The following HCN1 variants were observed in gnomAD, a reference collection of about 807,000 sequenced individuals.
HCN1 encodes the protein hyperpolarization activated cyclic nucleotide gated potassium channel 1.
In HCN1, 13 loss-of-function variants were observed where a neutral mutation model predicts 78.9. The ratio of observed to expected loss-of-function variants is 0.16; its 90% CI spans 0.11 to 0.26. The LOEUF (loss-of-function observed/expected upper bound fraction) is 0.26, where lower values mean the gene tolerates loss of function less well. Among genes scored for constraint, HCN1 ranks in the 10% least tolerant of loss-of-function variants. The probability of loss-of-function intolerance (pLI) is 1.00; values close to 1 mark genes in which losing one functional copy is unlikely to be tolerated. For missense variants in HCN1, 810 were observed against 1,154.3 expected (o/e 0.70, Z 4.32); for synonymous variants, 552 against 455.5 (o/e 1.21, Z -2.70).
chr5:45,658,594 C>A (rs1324806987), intron 1 of HCN1, among the ~76,000 whole-genome samples: 1 of 151,654 alleles, frequency 6.6e-6, no homozygotes, highest in Non-Finnish European at 1.5e-5. Context: ...CCAGTGTGTG[C>A]GCGCACCGTG....
At position 45,391,782 on chromosome 5, in the gene HCN1, G is replaced by C. The variant is rs1739564099; in HGVS notation, c.1230+4710C>G. ...AGATTGAATATTTCATTTCTAAAAA[G>C]TGATCTGTGTTCAAGCAAAATAAAA... On this transcript the variant is annotated intron_variant, in intron 4 of 7. Transcript: ENST00000303230. Among the ~76,000 whole-genome samples the C allele has an allele frequency of 2.0e-5, 3 of 152,100 alleles. No homozygotes were observed. The South Asian group carries it at 6.2e-4, about 31-fold the overall frequency.
chr5:45,354,231 G>T (rs943164566), intron 4 of HCN1, among the ~76,000 whole-genome samples: 1 of 151,840 alleles, frequency 6.6e-6, no homozygotes, highest in Non-Finnish European at 1.5e-5. Flanking sequence ...CACGTGCATA[G>T]ATATACACCT....
intron 3 of HCN1, among the ~76,000 whole-genome samples, chr5:45,422,732 T>C (rs1740253220): frequency 6.6e-6 from 1 of 152,164 alleles, no homozygotes; most frequent in South Asian, 2.1e-4. Flanking sequence ...TTATTCACCA[T>C]AATACATCAG....
intron 3 of HCN1, among the ~76,000 whole-genome samples, chr5:45,418,955 A>G (rs1173368509): frequency 3.3e-5 from 5 of 152,188 alleles, no homozygotes; most frequent in Admixed American, 2.6e-4. Flanking sequence ...TCTTCACCAC[A>G]GACTGCTATG....
chr5:45,504,598 C>T (rs890746675), intron 2 of HCN1, among the ~76,000 whole-genome samples: 4 of 152,060 alleles, frequency 2.6e-5, no homozygotes, highest in Non-Finnish European at 5.9e-5. Flanking sequence ...GATTTATAAT[C>T]CTTTGGGTAT....
In HCN1 at chr5:45,255,041, A is replaced by T. The variant is rs1156425309; in HGVS notation, c.*6880T>A. ...GCAATGGACACATTGTACTGATGTGATATTAAGAAACATTGCTAGCTATGG... is the reference window on the plus strand; with the variant it reads ...GCAATGGACACATTGTACTGATGTGTTATTAAGAAACATTGCTAGCTATGG... On this transcript the variant is annotated 3_prime_UTR_variant, in exon 8 of 8. Transcript: ENST00000303230. 2 of 152,218 alleles carry T rather than the reference A, an allele frequency of 1.3e-5. No homozygotes were observed. The highest frequency in any genetic ancestry group is 4.8e-5 in the African/African-American group (2 of 41,456). 9.4% of individuals were successfully genotyped at this position (152,218 alleles called of 1,614,324 possible).
chr5:45,440,753 T>C (rs1290087061), intron 3 of HCN1, among the ~76,000 whole-genome samples: 1 of 152,206 alleles, frequency 6.6e-6, no homozygotes, highest in Non-Finnish European at 1.5e-5. Context: ...TAGTTCCTGG[T>C]GCTGTAGCTA....
At chr5:45,413,051 T>C (rs1361423032) in intron 3 of HCN1, among the ~76,000 whole-genome samples, 1 of 152,056 alleles carries the variant, frequency 6.6e-6, no homozygotes, top group Non-Finnish European at 1.5e-5. Flanking sequence ...CTTTTTATTC[T>C]CTAATCGATT....
At chr5:45,689,273 T>A (rs1035458379) in intron 1 of HCN1, among the ~76,000 whole-genome samples, 14 of 151,988 alleles carry the variant, frequency 9.2e-5, no homozygotes, top group Non-Finnish European at 1.9e-4. Context: ...ATCCCACACA[T>A]TTACCCCTGA....
chr5:45,527,932 GTTT>G (rs34937140), intron 2 of HCN1, among the ~76,000 whole-genome samples: 5 of 145,782 alleles, frequency 3.4e-5, no homozygotes, highest in African/African-American at 5.0e-5. Flanking sequence ...TAAATTTAGG[GTTT>G]TTTTTTTTTT....
intron 4 of HCN1, among the ~76,000 whole-genome samples, chr5:45,367,120 A>T (rs1357235172): frequency 6.6e-6 from 1 of 151,830 alleles, no homozygotes; most frequent in Non-Finnish European, 1.5e-5. Context: ...TATTAGAAGA[A>T]AGTGCAAAGT....
At chr5:45,677,989 TACACACACACACACACACACACACATAC>T (rs1561242169) in intron 1 of HCN1, among the ~76,000 whole-genome samples, 2 of 94,100 alleles carry the variant, frequency 2.1e-5, no homozygotes, top group African/African-American at 7.3e-5. Context: ...CACACACACA[TACACACACACACACACACACACACATAC>T]ACACACACAC....
chr5:45,584,961 C>T (rs1484329399), intron 2 of HCN1, among the ~76,000 whole-genome samples: 2 of 152,172 alleles, frequency 1.3e-5, no homozygotes, highest in Non-Finnish European at 1.5e-5. Flanking sequence ...CTGCCCTTAA[C>T]ATTTTTCCTT....
intron 5 of HCN1, among the ~76,000 whole-genome samples, chr5:45,319,875 AG>A (rs1746087087): frequency 6.6e-6 from 1 of 151,924 alleles, no homozygotes. Context: ...CAAAACTTTA[AG>A]GTTCCTTTAG....
chr5:45,285,279 C>T (rs1455978117), intron 6 of HCN1, among the ~76,000 whole-genome samples: 1 of 151,988 alleles, frequency 6.6e-6, no homozygotes, highest in Non-Finnish European at 1.5e-5. Flanking sequence ...ACAAGTGGGC[C>T]AATGCACATG....
chr5:45,655,975 G>T (rs1745757959), intron 1 of HCN1, among the ~76,000 whole-genome samples: 1 of 152,118 alleles, frequency 6.6e-6, no homozygotes, highest in South Asian at 2.1e-4. Context: ...TATGTACACA[G>T]CAGGTATTGT....
intron 5 of HCN1, among the ~76,000 whole-genome samples, chr5:45,322,476 C>G (rs1338059357): frequency 6.6e-6 from 1 of 151,782 alleles, no homozygotes; most frequent in Non-Finnish European, 1.5e-5. Flanking sequence ...ATGCTTGAGA[C>G]CAGAAATGTG....
At chr5:45,514,122 T>C (rs917010023) in intron 2 of HCN1, among the ~76,000 whole-genome samples, 1 of 152,170 alleles carries the variant, frequency 6.6e-6, no homozygotes, top group Non-Finnish European at 1.5e-5. Context: ...TTAGAATACA[T>C]TGAATGAAAT....
At chr5:45,387,501 G>T (rs1403372222) in intron 4 of HCN1, among the ~76,000 whole-genome samples, 1 of 151,814 alleles carries the variant, frequency 6.6e-6, no homozygotes, top group East Asian at 1.9e-4. Context: ...TGTTAATAAA[G>T]AGGATACATT....
Sources: gnomAD v4.1 joint callset for allele counts (sites outside exome capture counted in the v4.1 genomes callset) on GRCh38, gnomAD v4.1.1 for gene constraint, MANE v1.5 for transcripts, NCBI Gene and HGNC (gene_info 2026-07-23, HGNC 2026-07-21) for gene names.